Variants in COL5A1 observed in about 807,000 individuals in gnomAD.
COL5A1 encodes collagen alpha-1(V) chain.
A neutral mutation model predicts 263.7 loss-of-function variants in COL5A1; 16 were observed. The ratio of observed to expected loss-of-function variants is 0.06; its 90% CI spans 0.04 to 0.09. The LOEUF is 0.09. Among genes scored for constraint, COL5A1 ranks in the 10% least tolerant of loss-of-function variants. The pLI is 1.00. For missense variants in COL5A1, 2,036 were observed against 2,540.5 expected (o/e 0.80, Z 4.27); for synonymous variants, 1,012 against 1,004.5 (o/e 1.01, Z -0.14).
At chr9:134,768,380 T>C in intron 24 of COL5A1, 30 bp from the exon 25 acceptor site, 1 of 1,607,822 alleles carries the variant, frequency 6.2e-7, no homozygotes, top group Non-Finnish European at 8.5e-7. Flanking sequence ...AGGGAGGGCA[T>C]CTCCTCATGG....
intron 19 of COL5A1, 139 bp from the exon 20 acceptor site, chr9:134,763,554 T>A (rs1030842397): frequency 1.1e-6 from 1 of 873,232 alleles, no homozygotes; most frequent in Non-Finnish European, 1.9e-6. Context: ...TCCAGGCCTT[T>A]CCGGCTGGTA....
At chr9:134,745,612 G>A (rs563170528) in intron 11 of COL5A1, among the ~76,000 whole-genome samples, 1 of 152,290 alleles carries the variant, frequency 6.6e-6, no homozygotes, top group African/African-American at 2.4e-5. Flanking sequence ...CTTTTAGATG[G>A]GCCCTAGGGC....
At chr9:134,764,572 A>T (rs1193453475) in intron 20 of COL5A1, among the ~76,000 whole-genome samples, 2 of 152,112 alleles carry the variant, frequency 1.3e-5, no homozygotes, top group African/African-American at 4.8e-5. Flanking sequence ...AAATTTCCTG[A>T]TGGATAGGAC....
intron 1 of COL5A1, among the ~76,000 whole-genome samples, chr9:134,655,663 G>C (rs1347181584): frequency 4.6e-5 from 7 of 152,174 alleles, no homozygotes; most frequent in African/African-American, 1.4e-4. Flanking sequence ...CCCCCATGAG[G>C]TGACTTGCAG....
At chr9:134,774,954 G>C (rs1394430918) in intron 27 of COL5A1, 42 bp downstream of exon 27, 1 of 1,589,308 alleles carries the variant, frequency 6.3e-7, no homozygotes, top group Admixed American at 1.7e-5. Context: ...CTGGAGGTCA[G>C]GGTTGGGACT....
At chr9:134,747,038 T>G (rs950739041) in intron 11 of COL5A1, among the ~76,000 whole-genome samples, 28 of 152,224 alleles carry the variant, frequency 1.8e-4, no homozygotes, top group Non-Finnish European at 3.8e-4. Context: ...AAAGGCTTGC[T>G]GACAATGTTT....
intron 32 of COL5A1, among the ~76,000 whole-genome samples, chr9:134,791,153 A>G (rs1288341716): frequency 6.6e-6 from 1 of 152,328 alleles, no homozygotes; most frequent in East Asian, 1.9e-4. Context: ...GCCAGGCACC[A>G]CATGCCCCAG....
chr9:134,697,606 G>A (rs1833524517), intron 2 of COL5A1, among the ~76,000 whole-genome samples: 1 of 152,166 alleles, frequency 6.6e-6, no homozygotes, highest in South Asian at 2.1e-4. Flanking sequence ...ACGGGGACCT[G>A]AGTGCTTCAG....
intron 1 of COL5A1, among the ~76,000 whole-genome samples, chr9:134,660,499 T>C (rs1257760759): frequency 2.0e-5 from 3 of 152,238 alleles, no homozygotes; most frequent in Non-Finnish European, 4.4e-5. Context: ...CAGAATTCAC[T>C]GTAAACAGTG....
chr9:134,823,455 C>A lies in COL5A1; in HGVS notation c.4684C>A (p.Pro1562Thr). ...GPKGEAGHPG[P>T]PGPPGPPGEV... Reference sequence around the variant, plus strand: ...GAAGGGTGAGGCAGGCCACCCAGGACCCCCAGGCCCCCCGGTAAGTAGCCC... The same window carrying A: ...GAAGGGTGAGGCAGGCCACCCAGGAACCCCAGGCCCCCCGGTAAGTAGCCC... Residue 1562 changes from proline to threonine, a missense_variant, in exon 61 of 66, where the codon CCC becomes ACC. By Grantham distance (38) the Pro-to-Thr change is conservative (BLOSUM62 -1). Transcript: ENST00000371817. The A allele has an allele frequency of 6.2e-7, 1 of 1,614,140 alleles. No homozygotes were observed. The highest frequency in any genetic ancestry group is 8.5e-7 in the Non-Finnish European group (1 of 1,179,966).
rs141281586 is a variant in COL5A1 at position 134,793,865 on chromosome 9, A to G, written c.2701-1217A>G. Among the ~76,000 whole-genome samples the G allele has an allele frequency of 2.6e-5, 4 of 152,358 alleles. No individual in the cohort carries two copies. In the East Asian group the frequency reaches 7.7e-4, roughly 29 times the overall value. On this transcript the variant is annotated intron_variant, in intron 32 of 65. Coordinates refer to ENST00000371817, the MANE Select transcript of COL5A1 (RefSeq NM_000093.5). ...CTGGAACCGGAGCGCATTGTTAAAA[A>G]GCTACATAATTAACTCATCATCATA...
intron 1 of COL5A1, among the ~76,000 whole-genome samples, chr9:134,664,333 C>A (rs1832295030): frequency 6.6e-6 from 1 of 152,052 alleles, no homozygotes; most frequent in Non-Finnish European, 1.5e-5. Flanking sequence ...TGACGTAAGC[C>A]CCTGCAGTTA....
At chr9:134,717,303 T>C (rs75384903) in intron 4 of COL5A1, among the ~76,000 whole-genome samples, 1 of 152,212 alleles carries the variant, frequency 6.6e-6, no homozygotes, top group Admixed American at 6.5e-5. Flanking sequence ...ATGATGGCAC[T>C]GTACTTGCGG....
rs559197183 is a variant in COL5A1 at position 134,772,965 on chromosome 9, G to A, written c.2331+131G>A. On this transcript the variant is annotated intron_variant, in intron 26 of 65. Coordinates refer to ENST00000371817, the MANE Select transcript of COL5A1 (RefSeq NM_000093.5). ...GCCGGGGACACTCAGCCCTTCCTCA[G>A]GTGTCTCCGCCAAGGGACCCAGCCT... 6.7e-5 allele frequency: 65 copies of A among 973,604 alleles called. No homozygotes were observed. The South Asian group carries it at 8.4e-4, about 13-fold the overall frequency. 60.3% of individuals were successfully genotyped at this position (973,604 alleles called of 1,614,324 possible). A position where few individuals can be genotyped will look rare whatever the true frequency, so the allele number is the denominator to read the frequency against.
rs1835334655 is a variant in COL5A1, at chr9:134,742,335, C to G, written c.1494+3527C>G. ...TGAGGAAGAAAAGGCACAGACCAGG[C>G]ACGGTTAGACAGCAAGAATTAATTA... On this transcript the variant is annotated intron_variant, in intron 11 of 65. Transcript: ENST00000371817. This position sits in a 1 kb window ranked among gnomAD's most constrained non-coding sequence, Gnocchi z 4.6. Among the ~76,000 whole-genome samples the G allele has an allele frequency of 6.6e-6, 1 of 152,060 alleles. No homozygotes were observed. Among genetic ancestry groups the G allele is most frequent in the African/African-American group, 2.4e-5 (1 of 41,408 alleles).
intron 4 of COL5A1, among the ~76,000 whole-genome samples, chr9:134,712,104 C>T (rs1382122091): frequency 2.5e-5 from 3 of 120,992 alleles, no homozygotes; most frequent in Non-Finnish European, 5.2e-5. Flanking sequence ...CTTCCTATCC[C>T]CCTTCCTTCC....
chr9:134,694,095 C>A (rs543713226), intron 2 of COL5A1, among the ~76,000 whole-genome samples: 14 of 152,202 alleles, frequency 9.2e-5, no homozygotes, highest in Non-Finnish European at 1.6e-4. Context: ...TATCTCTTGG[C>A]GAGAGGGGAA....
chr9:134,822,718 G>GCCCCCCCCCC lies in COL5A1; in HGVS notation c.4609-279_4609-278insCCCCCCCCCC, dbSNP rs370666409. Among the ~76,000 whole-genome samples the GCCCCCCCCCC allele has an allele frequency of 2.7e-4, 39 of 143,150 alleles. 5 individuals are homozygous for GCCCCCCCCCC. Among genetic ancestry groups the GCCCCCCCCCC allele is most frequent in the African/African-American group, 1.1e-3 (37 of 34,688 alleles). 93.9% of individuals were successfully genotyped at this position (143,150 alleles called of 152,430 possible). A position where few individuals can be genotyped will look rare whatever the true frequency, so the allele number is the denominator to read the frequency against. ...GAGCCAGGACATGCTCTTTTCCGCT[G>GCCCCCCCCCC]CGCCCCCCCCGCGGCTGTCTGAGCT... On this transcript the variant is annotated intron_variant, in intron 59 of 65. Transcript: ENST00000371817.
chr9:134,660,278 G>A (rs1832163331), intron 1 of COL5A1, among the ~76,000 whole-genome samples: 1 of 152,194 alleles, frequency 6.6e-6, no homozygotes, highest in African/African-American at 2.4e-5. Context: ...TTTACTCTTG[G>A]TTTTCACTTA....
Sources: gnomAD v4.1 joint callset for allele counts (sites outside exome capture counted in the v4.1 genomes callset) on GRCh38, gnomAD v4.1.1 for gene constraint, Gnocchi (gnomAD v3.1) non-coding constraint, MANE v1.5 for transcripts, NCBI Gene and HGNC (gene_info 2026-07-23, HGNC 2026-07-21) for gene names.